Variants in F8 observed in about 807,000 individuals in gnomAD.
F8 encodes antihemophilic factor.
In F8, 12 loss-of-function variants were observed where a neutral mutation model predicts 140.6. The ratio of observed to expected loss-of-function variants is 0.09; its 90% confidence interval spans 0.05 to 0.14. The LOEUF (loss-of-function observed/expected upper bound fraction) is 0.14, where lower values mean the gene tolerates loss of function less well. F8 is among the 10% of genes least tolerant of loss of function. F8 has a pLI of 1.00. For synonymous variants in F8, 585 were observed against 614.6 expected (o/e 0.95, Z 0.71); for missense variants, 1,354 against 1,720.7 (o/e 0.79, Z 3.77).
intron 3 of F8, among the ~76,000 whole-genome samples, chrX:154,993,531 C>T (rs782445164): frequency 1.8e-5 from 2 of 111,653 alleles, no homozygotes; most frequent in Non-Finnish European, 3.8e-5. Flanking sequence ...GGATTACAGG[C>T]GCGAACCACC....
chrX:154,960,586 C>A (rs1404370283), intron 10 of F8, among the ~76,000 whole-genome samples: 1 of 107,189 alleles, frequency 9.3e-6, no homozygotes, highest in Admixed American at 1.0e-4. Flanking sequence ...GAGAGTGAAA[C>A]CCTGTTGAGA....
chrX:154,962,622 T>G (rs1557281664), intron 9 of F8, among the ~76,000 whole-genome samples: 1 of 111,709 alleles, frequency 9.0e-6, no homozygotes, highest in East Asian at 2.8e-4. Context: ...TGCCAGCACT[T>G]TGGGAGGCTG....
At chrX:154,896,506 TACACACACACAC>T (rs57253105) in intron 21 of F8, among the ~76,000 whole-genome samples, 9 of 98,966 alleles carry the variant, frequency 9.1e-5, no homozygotes, top group South Asian at 4.7e-4. Context: ...CCCCATTTCG[TACACACACACAC>T]ACACACACAC....
Position 154,929,714 on chromosome X carries a change from C to G in F8, c.4076G>C (p.Trp1359Ser). The G allele has an allele frequency of 4.1e-6, 5 of 1,209,894 alleles. No individual in the cohort carries two copies. Among genetic ancestry groups the G allele is most frequent in the Non-Finnish European group, 5.6e-6 (5 of 894,707 alleles). Residue 1359 changes from tryptophan (W) to serine (S), a missense_variant, in exon 14 of 26, where the codon TGG (tryptophan) becomes TCG (serine). Trp to Ser is a radical substitution (Grantham distance 177). Coordinates refer to ENST00000360256, the MANE Select transcript of F8 (RefSeq NM_000132.4). ...GGTCAAATGTTTCATGTTTTTGGAC[C>G]ACTGGGTTGAGGTGTCATCCACAAT... The part of the protein sequence containing the change: ...RIIVDDTSTQ[W>S]SKNMKHLTPS...
At chrX:154,924,077 T>C (rs1365870315) in intron 14 of F8, among the ~76,000 whole-genome samples, 2 of 112,592 alleles carry the variant, frequency 1.8e-5, no homozygotes, top group African/African-American at 6.5e-5. Flanking sequence ...TGCCATGATT[T>C]TGAGGCCTCC....
At position 154,929,468 on chromosome X, in the gene F8, C is replaced by G. The variant is rs912661750; in HGVS notation, c.4322G>C (p.Arg1441Thr). ...NSSHLPAASY[R>T]KKDSGVQESS... ...TTCTTGGACCCCAGAATCTTTCTTT[C>G]TATAAGATGCTGCTGGAAGATGAGA... The change falls in exon 14 of 26, where the codon AGA (arginine) becomes ACA (threonine). Residue 1441 changes from arginine (R) to threonine (T), a missense_variant. Around this residue, in one of 4 missense-constraint regions of F8, gnomAD observed 658 missense variants for 666.5 expected, o/e 0.99. Transcript: ENST00000360256. 1 of 1,211,450 alleles carries G rather than the reference C, an allele frequency of 8.3e-7. No individual in the cohort carries two copies. Among genetic ancestry groups the G allele is most frequent in the Non-Finnish European group, 1.1e-6 (1 of 895,436 alleles).
At chrX:154,954,123 G>A (rs782372047) in intron 11 of F8, 81 bp from the exon 12 acceptor site, 18 of 968,452 alleles carry the variant, frequency 1.9e-5, no homozygotes, top group East Asian at 9.2e-5. Context: ...TGATGAAAGC[G>A]ATGGCATGCA....
At chrX:155,009,261 C>A (rs1603437212) in intron 1 of F8, among the ~76,000 whole-genome samples, 1 of 110,880 alleles carries the variant, frequency 9.0e-6, no homozygotes, top group African/African-American at 3.3e-5. Context: ...ATGTAGTTTT[C>A]AGTCATTTAA....
At chrX:154,898,247 C>A (rs1557275736) in intron 21 of F8, among the ~76,000 whole-genome samples, 2 of 110,282 alleles carry the variant, frequency 1.8e-5, no homozygotes, top group Non-Finnish European at 3.8e-5. Context: ...AACTCCCTTC[C>A]TTGTCAGCAC....
chrX:154,929,708 T>C lies in F8; in HGVS notation c.4082A>G (p.Lys1361Arg). Residue 1361 changes from lysine (K) to arginine (R), a missense_variant, in exon 14 of 26, where the codon AAA becomes AGA. Physicochemically the swap from Lys to Arg is conservative, Grantham distance 26 (BLOSUM62 2). Coordinates refer to ENST00000360256, the MANE Select transcript of F8 (RefSeq NM_000132.4). The part of the protein sequence containing the change: ...IVDDTSTQWS[K>R]NMKHLTPSTL... Reference sequence around the variant, plus strand: ...GCTCGGGGTCAAATGTTTCATGTTTTTGGACCACTGGGTTGAGGTGTCATC... The same window carrying C: ...GCTCGGGGTCAAATGTTTCATGTTTCTGGACCACTGGGTTGAGGTGTCATC... 8.3e-7 allele frequency: 1 copy of C among 1,210,415 alleles called. No individual in the cohort carries two copies. The highest frequency in any genetic ancestry group is 2.2e-5 in the Admixed American group (1 of 45,830).
At chrX:154,852,215 G>A (rs782590850) in intron 25 of F8, among the ~76,000 whole-genome samples, 1 of 110,708 alleles carries the variant, frequency 9.0e-6, no homozygotes, top group South Asian at 3.9e-4. Flanking sequence ...GACTACAGGT[G>A]TGTACCATCA....
At chrX:154,919,478 A>C (rs2124029436) in intron 14 of F8, 1 of 262,405 alleles carries the variant, frequency 3.8e-6, no homozygotes, top group African/African-American at 2.9e-5. Context: ...TAGCAGCAAA[A>C]GTGTCCATCA....
intron 22 of F8, among the ~76,000 whole-genome samples, chrX:154,869,521 G>A (rs1222057235): frequency 8.9e-6 from 1 of 111,931 alleles, no homozygotes; most frequent in Non-Finnish European, 1.9e-5. Flanking sequence ...CAGCGTACCA[G>A]AATTTCTGGG....
At chrX:155,008,079 G>A (rs1037892008) in intron 1 of F8, among the ~76,000 whole-genome samples, 12 of 110,535 alleles carry the variant, frequency 1.1e-4, no homozygotes, top group Non-Finnish European at 1.7e-4. Context: ...TAGACCTGGG[G>A]AATCATTGTA....
chrX:154,878,701 T>G (rs1489181639), intron 22 of F8, among the ~76,000 whole-genome samples: 1 of 111,690 alleles, frequency 9.0e-6, no homozygotes, highest in Non-Finnish European at 1.9e-5. Flanking sequence ...AGCTATCTTA[T>G]TCTCAGATGA....
At position 155,022,493 on chromosome X, in the gene F8, G is replaced by A; in HGVS notation, c.60C>T (p.Ala20=). 8.3e-7 allele frequency: 1 copy of A among 1,210,823 alleles called. No homozygotes were observed. The highest frequency in any genetic ancestry group is 1.1e-6 in the Non-Finnish European group (1 of 894,943). Residue 20 remains alanine, a synonymous_variant, in exon 1 of 26, where the codon GCC becomes GCT. Transcript: ENST00000360256. The part of the protein sequence containing the change: ...FLCLLRFCFS[A]TRRYYLGAVE... ...CTGCACCCAGGTAGTATCTTCTGGT[G>A]GCACTAAAGCAGAATCGCAAAAGGC...
In F8 at chrX:154,904,068, C is replaced by T. The variant is rs782681169; in HGVS notation, c.5836G>A (p.Asp1946Asn). ...RFHAINGYIM[D>N]TLPGLVMAQD... ...GCCATTACTAAGCCAGGTAGTGTAT[C>T]CATTATGTAGCCATTGATTGCTGGA... Residue 1946 changes from aspartate to asparagine, a missense_variant, in exon 18 of 26, where the codon GAT becomes AAT. Coordinates refer to ENST00000360256, the MANE Select transcript of F8 (RefSeq NM_000132.4). 2 of 1,211,398 alleles carry T rather than the reference C, an allele frequency of 1.7e-6. No individual in the cohort carries two copies. Among genetic ancestry groups the T allele is most frequent in the Non-Finnish European group, 2.2e-6 (2 of 895,246 alleles).
chrX:154,867,684 C>T (rs2072741251), intron 22 of F8, among the ~76,000 whole-genome samples: 1 of 61,032 alleles, frequency 1.6e-5, no homozygotes, highest in African/African-American at 8.9e-5. Flanking sequence ...GAGCAAGACT[C>T]TGTCTCAAAA....
At chrX:154,880,951 C>G (rs2072855345) in intron 22 of F8, among the ~76,000 whole-genome samples, 1 of 108,269 alleles carries the variant, frequency 9.2e-6, no homozygotes, top group Non-Finnish European at 1.9e-5. Flanking sequence ...TAGTGAGTGT[C>G]TACTGTGTGC....
Sources: gnomAD v4.1 joint callset for allele counts (sites outside exome capture counted in the v4.1 genomes callset) on GRCh38, gnomAD v4.1.1 for gene constraint, gnomAD v4.1.1 regional missense constraint, MANE v1.5 for transcripts, NCBI Gene and HGNC (gene_info 2026-07-23, HGNC 2026-07-21) for gene names.